Variants in KIF26B observed in about 807,000 individuals in gnomAD.
The protein encoded by KIF26B is kinesin family member 26B.
A neutral mutation model predicts 151.2 loss-of-function variants in KIF26B; 63 were observed. The observed-to-expected ratio is 0.42, with a 90% CI of 0.34 to 0.51. The LOEUF (loss-of-function observed/expected upper bound fraction) is 0.51, where lower values mean the gene tolerates loss of function less well. Among genes scored for constraint, KIF26B ranks in the 20% least tolerant of loss-of-function variants. The probability of loss-of-function intolerance (pLI) is 0.07; values close to 1 mark genes in which losing one functional copy is unlikely to be tolerated. For synonymous variants in KIF26B, 1,357 were observed against 1,262.1 expected, an observed-to-expected ratio of 1.08 and a Z score of -1.59; for missense variants, 2,813 against 2,913.6, an observed-to-expected ratio of 0.97 and a Z score of 0.79.
At chr1:245,330,197 C>T (rs1363484501) in intron 2 of KIF26B, among the ~76,000 whole-genome samples, 1 of 150,852 alleles carries the variant, frequency 6.6e-6, no homozygotes, top group Non-Finnish European at 1.5e-5. Context: ...CACAGGCCCA[C>T]CTGGGCTGGC....
chr1:245,266,301 A>C (rs1040557137), intron 2 of KIF26B, among the ~76,000 whole-genome samples: 1 of 152,330 alleles, frequency 6.6e-6, no homozygotes, highest in East Asian at 1.9e-4. Flanking sequence ...TTAAGTGCTG[A>C]CAAGGGATAT....
rs972894480 is a variant in KIF26B at position 245,560,316 on chromosome 1, C to T, written c.1350+19366C>T. 2.6e-4 allele frequency among the ~76,000 whole-genome samples: 40 copies of T among 152,184 alleles called. No homozygotes were observed. The highest frequency in any genetic ancestry group is 9.4e-4 in the African/African-American group (39 of 41,442). On this transcript the variant is annotated intron_variant, in intron 5 of 14. Coordinates refer to ENST00000407071, the MANE Select transcript of KIF26B (RefSeq NM_018012.4). This position sits in a 1 kb window ranked among gnomAD's most constrained non-coding sequence, Gnocchi z 4.3. ...CCCTCCAGACATAGGTCCGGCCTCT[C>T]AGGAGTTTTCATTCTCCTGAGAGAG...
At chr1:245,514,234 A>G (rs1660900858) in intron 4 of KIF26B, among the ~76,000 whole-genome samples, 1 of 152,208 alleles carries the variant, frequency 6.6e-6, no homozygotes, top group African/African-American at 2.4e-5. Flanking sequence ...CAGTTAAAAA[A>G]TAAAAAATAA....
intron 3 of KIF26B, among the ~76,000 whole-genome samples, chr1:245,412,077 C>T (rs547580576): frequency 5.9e-5 from 9 of 152,256 alleles, no homozygotes; most frequent in East Asian, 1.9e-4. Context: ...AAGAGCATAA[C>T]GGCTGACAGC....
chr1:245,470,246 G>C (rs557172772), intron 4 of KIF26B, among the ~76,000 whole-genome samples: 1 of 152,058 alleles, frequency 6.6e-6, no homozygotes, highest in Non-Finnish European at 1.5e-5. Flanking sequence ...GGTAGTGCTC[G>C]TGTGTTAGGC....
At chr1:245,542,518 G>A (rs530732381) in intron 5 of KIF26B, among the ~76,000 whole-genome samples, 8 of 152,318 alleles carry the variant, frequency 5.3e-5, no homozygotes, top group African/African-American at 1.9e-4. Context: ...GCTGTCTACA[G>A]GGCCTGCCCC....
At chr1:245,201,281 G>A (rs563801323) in intron 2 of KIF26B, among the ~76,000 whole-genome samples, 1 of 152,284 alleles carries the variant, frequency 6.6e-6, no homozygotes, top group South Asian at 2.1e-4. Context: ...TAACATAGCA[G>A]TTATAATGTG....
intron 4 of KIF26B, among the ~76,000 whole-genome samples, chr1:245,482,873 G>A (rs1024129659): frequency 6.6e-6 from 1 of 151,816 alleles, no homozygotes; most frequent in African/African-American, 2.4e-5. Flanking sequence ...TGTTGTTGAA[G>A]CCTCACGATC....
At chr1:245,603,300 C>T (rs2043416801) in intron 6 of KIF26B, among the ~76,000 whole-genome samples, 1 of 152,138 alleles carries the variant, frequency 6.6e-6, no homozygotes. Flanking sequence ...TGGCCTGGCT[C>T]AGTGGAGTGA....
At chr1:245,300,598 G>T (rs527653231) in intron 2 of KIF26B, among the ~76,000 whole-genome samples, 1 of 149,936 alleles carries the variant, frequency 6.7e-6, no homozygotes, top group Non-Finnish European at 1.5e-5. Context: ...GCACGATCTT[G>T]GCTCACTGCA....
chr1:245,216,910 C>T (rs1669658180), intron 2 of KIF26B, among the ~76,000 whole-genome samples: 1 of 152,150 alleles, frequency 6.6e-6, no homozygotes, highest in South Asian at 2.1e-4. Context: ...TGCCTTATTT[C>T]ATATTTGAGA....
At chr1:245,503,567 G>C (rs768812261) in intron 4 of KIF26B, among the ~76,000 whole-genome samples, 10 of 152,198 alleles carry the variant, frequency 6.6e-5, no homozygotes, top group Non-Finnish European at 1.0e-4. Flanking sequence ...CCTGTATGGA[G>C]AGAATTTCTC....
At chr1:245,439,357 A>AAAGG (rs1553274574) in intron 4 of KIF26B, among the ~76,000 whole-genome samples, 1 of 125,006 alleles carries the variant, frequency 8.0e-6, no homozygotes, top group Non-Finnish European at 1.6e-5. Context: ...AAAAAAAAAA[A>AAAGG]AAAAAAGAAA....
At chr1:245,668,142 T>C (rs7513201) in intron 10 of KIF26B, among the ~76,000 whole-genome samples, 1 of 152,120 alleles carries the variant, frequency 6.6e-6, no homozygotes, top group Admixed American at 6.5e-5. Context: ...GTGATCAGCC[T>C]GCCTCGGCCT....
At chr1:245,240,148 G>A (rs1205290314) in intron 2 of KIF26B, among the ~76,000 whole-genome samples, 2 of 152,046 alleles carry the variant, frequency 1.3e-5, no homozygotes, top group Non-Finnish European at 2.9e-5. Context: ...GGGCAACAGA[G>A]TGAGACTCTG....
chr1:245,671,507 G>T (rs754441268), intron 10 of KIF26B, among the ~76,000 whole-genome samples: 3 of 152,160 alleles, frequency 2.0e-5, no homozygotes, highest in Non-Finnish European at 4.4e-5. Context: ...GTTACTTAAT[G>T]GGTAGAGTTT....
chr1:245,202,981 G>A (rs1007360156), intron 2 of KIF26B, among the ~76,000 whole-genome samples: 38 of 150,870 alleles, frequency 2.5e-4, no homozygotes, highest in Admixed American at 1.5e-3. Flanking sequence ...AAGGCCGGGC[G>A]CGGTGGCTCA....
chr1:245,664,840 AG>A (rs1181797114), intron 10 of KIF26B, among the ~76,000 whole-genome samples: 11 of 152,242 alleles, frequency 7.2e-5, no homozygotes, highest in African/African-American at 2.6e-4. Flanking sequence ...TGTTAATGTC[AG>A]GGCGTTTTTC....
chr1:245,197,210 A>G (rs1244029441), intron 2 of KIF26B, among the ~76,000 whole-genome samples: 2 of 152,362 alleles, frequency 1.3e-5, no homozygotes, highest in East Asian at 1.9e-4. Flanking sequence ...AAAGCGCTGC[A>G]TAGTCTTCCT....
Sources: allele counts gnomAD v4.1 joint callset (sites outside exome capture counted in the v4.1 genomes callset), GRCh38; gene constraint gnomAD v4.1.1; non-coding constraint Gnocchi (gnomAD v3.1); transcripts MANE v1.5; gene names NCBI Gene and HGNC (gene_info 2026-07-23, HGNC 2026-07-21).